The following GPM6B variants were observed in gnomAD, a reference collection of about 807,000 sequenced individuals.
GPM6B encodes the protein neuronal membrane glycoprotein M6-b.
A neutral mutation model predicts 27.2 loss-of-function variants in GPM6B; 4 were observed. The ratio of observed to expected loss-of-function variants is 0.15; its 90% CI spans 0.07 to 0.34. The LOEUF (loss-of-function observed/expected upper bound fraction) is 0.34, where lower values mean the gene tolerates loss of function less well. Among genes scored for constraint, GPM6B ranks in the 10% least tolerant of loss-of-function variants. The pLI is 1.00. For missense variants in GPM6B, 183 were observed against 261.9 expected, an observed-to-expected ratio of 0.70 and a Z score of 2.08; for synonymous variants, 124 against 103.1, an observed-to-expected ratio of 1.20 and a Z score of -1.23.
intron 1 of GPM6B, among the ~76,000 whole-genome samples, chrX:13,814,365 T>A (rs760834233): frequency 2.7e-5 from 3 of 111,277 alleles, no homozygotes; most frequent in South Asian, 3.7e-4. Flanking sequence ...GGAAAAAAAA[T>A]ATATATGTGC....
chrX:13,909,413 C>T (rs149497110), intron 1 of GPM6B, among the ~76,000 whole-genome samples: 1,253 of 111,046 alleles, frequency 0.011, 8 homozygotes, highest in Non-Finnish European at 0.018. Context: ...CAGGTGTGAG[C>T]CACCGTGCTC....
intron 1 of GPM6B, among the ~76,000 whole-genome samples, chrX:13,846,479 C>CT (rs760173952): frequency 3.5e-4 from 39 of 110,251 alleles, no homozygotes; most frequent in Middle Eastern, 4.7e-3. Flanking sequence ...CCTCGACCAT[C>CT]TTTTTTTTTA....
At position 13,783,392 on chromosome X, in the gene GPM6B, G is replaced by A. The variant is rs754063101; in HGVS notation, c.498C>T (p.Thr166=). Reference sequence around the variant, plus strand: ...TTCCACTGATGCATCGGCCACAAGCGGTTGTTTTAAACTCACCGTGCAGTT... The same window carrying A: ...TTCCACTGATGCATCGGCCACAAGCAGTTGTTTTAAACTCACCGTGCAGTT... ...VKELHGEFKT[T]ACGRCISGMF... Residue 166 remains threonine, a synonymous_variant, in exon 4 of 8, where the codon ACC becomes ACT. Coordinates refer to ENST00000316715, the MANE Select transcript of GPM6B (RefSeq NM_001001995.3). The A allele has an allele frequency of 2.4e-5, 29 of 1,196,136 alleles. No homozygotes were observed. The highest frequency in any genetic ancestry group is 6.0e-5 in the East Asian group (2 of 33,385).
intron 1 of GPM6B, among the ~76,000 whole-genome samples, chrX:13,899,810 G>C (rs1204107589): frequency 8.9e-6 from 1 of 111,790 alleles, no homozygotes; most frequent in Non-Finnish European, 1.9e-5. Context: ...AGGTTGACAT[G>C]AGAATGAAAT....
At chrX:13,915,085 T>C (rs1402335059) in intron 1 of GPM6B, among the ~76,000 whole-genome samples, 1 of 53,342 alleles carries the variant, frequency 1.9e-5, no homozygotes, top group Non-Finnish European at 4.1e-5. Flanking sequence ...CTGGGCAACA[T>C]AGTGGGACCC....
At chrX:13,829,132 C>G (rs1199326777) in intron 1 of GPM6B, among the ~76,000 whole-genome samples, 1 of 111,863 alleles carries the variant, frequency 8.9e-6, no homozygotes, top group Non-Finnish European at 1.9e-5. Flanking sequence ...TCACTTGCAA[C>G]TATCTCCCCA....
At chrX:13,849,185 G>C (rs2049685073) in intron 1 of GPM6B, among the ~76,000 whole-genome samples, 1 of 112,447 alleles carries the variant, frequency 8.9e-6, no homozygotes, top group South Asian at 3.6e-4. Context: ...GAAGAAATAG[G>C]GAGTAAGCAT....
intron 1 of GPM6B, among the ~76,000 whole-genome samples, chrX:13,917,566 T>G (rs1341148372): frequency 8.9e-6 from 1 of 112,259 alleles, no homozygotes; most frequent in Non-Finnish European, 1.9e-5. Context: ...CTAAAGATAA[T>G]GTCTGTAGGT....
At chrX:13,927,132 C>A (rs193003816) in intron 1 of GPM6B, among the ~76,000 whole-genome samples, 1,816 of 101,673 alleles carry the variant, frequency 0.018, 46 homozygotes, top group African/African-American at 0.062. Context: ...ATAACCTACA[C>A]AAAACTTTCA....
chrX:13,873,321 C>T (rs918458035), intron 1 of GPM6B, among the ~76,000 whole-genome samples: 3 of 110,496 alleles, frequency 2.7e-5, no homozygotes, highest in Non-Finnish European at 3.8e-5. Flanking sequence ...CTTCAGAGAG[C>T]GACAGAGAGT....
chrX:13,856,691 TA>T (rs2049783388), intron 1 of GPM6B, among the ~76,000 whole-genome samples: 2 of 99,100 alleles, frequency 2.0e-5, no homozygotes, highest in Admixed American at 1.1e-4. Context: ...TCTGCACCTT[TA>T]TTTTTTTTTT....
intron 1 of GPM6B, among the ~76,000 whole-genome samples, chrX:13,880,518 T>C (rs770509143): frequency 9.3e-6 from 1 of 107,832 alleles, no homozygotes; most frequent in African/African-American, 3.4e-5. Flanking sequence ...CTACTAAAAA[T>C]ACAAAAAATT....
chrX:13,817,496 G>T, upstream of GPM6B: 1 of 187,960 alleles, frequency 5.3e-6, no homozygotes, highest in Non-Finnish European at 8.2e-6. Flanking sequence ...TAAGGAGAAT[G>T]CATGTCTTTG....
At chrX:13,814,084 G>T (rs368951856) in intron 1 of GPM6B, among the ~76,000 whole-genome samples, 8 of 112,263 alleles carry the variant, frequency 7.1e-5, no homozygotes, top group African/African-American at 2.3e-4. Context: ...TAAAGAAAGA[G>T]CTCTCTTTGT....
intron 1 of GPM6B, among the ~76,000 whole-genome samples, chrX:13,903,118 G>A (rs891366361): frequency 9.0e-6 from 1 of 111,668 alleles, no homozygotes. Context: ...TTTGTTAAGG[G>A]GTCTTCTCCT....
At chrX:13,778,048 TG>T (rs1395246877) in intron 5 of GPM6B, among the ~76,000 whole-genome samples, 42 of 87,480 alleles carry the variant, frequency 4.8e-4, no homozygotes, top group African/African-American at 1.8e-3. Context: ...AAAATCAAAT[TG>T]GTTTGTTTTT....
Position 13,828,612 on chromosome X carries a change from C to T in GPM6B, c.-197-42804G>A, listed in dbSNP as rs751044440. Among the ~76,000 whole-genome samples the T allele has an allele frequency of 8.4e-4, 94 of 111,865 alleles. 4 individuals are homozygous for T. The highest frequency in any genetic ancestry group is 1.7e-4 in the Non-Finnish European group (9 of 53,200). On this transcript the variant is annotated intron_variant, in intron 1 of 6. Coordinates refer to the GPM6B transcript ENST00000398361. ...AGTGCCAGCTATCAGGGATACTTGG[C>T]GAGTTCCTTTCAAGTGGTTTGTTTT...
chrX:13,818,514 A>C (rs1189576770), upstream of GPM6B, among the ~76,000 whole-genome samples: 1 of 112,519 alleles, frequency 8.9e-6, no homozygotes, highest in Non-Finnish European at 1.9e-5. Flanking sequence ...GTTACAGTCG[A>C]GAAGATTTTG....
intron 7 of GPM6B, chrX:13,774,755 A>G (rs1300638374): frequency 2.1e-5 from 10 of 478,421 alleles, no homozygotes; most frequent in Non-Finnish European, 3.6e-5. Context: ...TAAAATCACA[A>G]CAGACAATTT....
Sources: allele counts gnomAD v4.1 joint callset (sites outside exome capture counted in the v4.1 genomes callset), GRCh38; gene constraint gnomAD v4.1.1; transcripts MANE v1.5; gene names NCBI Gene and HGNC (gene_info 2026-07-23, HGNC 2026-07-21).